The following ENOX1 variants were observed in gnomAD, a reference collection of about 807,000 sequenced individuals.
ENOX1 encodes the protein candidate growth-related and time keeping constitutive hydroquinone (NADH) oxidase.
In ENOX1, 42 loss-of-function variants were observed where a neutral mutation model predicts 82.5. That is an observed-to-expected ratio of 0.51 (90% CI 0.40 to 0.66). The LOEUF (loss-of-function observed/expected upper bound fraction) is 0.66. Among genes scored for constraint, ENOX1 ranks in the 30% least tolerant of loss-of-function variants. The pLI is 0.00. For missense variants in ENOX1, 608 were observed against 811.6 expected (o/e 0.75, Z 3.05); for synonymous variants, 271 against 282.2 (o/e 0.96, Z 0.40).
chr13:43,758,298 A>T (rs986264355), intron 1 of ENOX1, among the ~76,000 whole-genome samples: 3 of 152,240 alleles, frequency 2.0e-5, no homozygotes, highest in Non-Finnish European at 4.4e-5. Flanking sequence ...CCTCAGCAAT[A>T]AAATGGAACA....
intron 1 of ENOX1, among the ~76,000 whole-genome samples, chr13:43,682,988 G>A (rs969415342): frequency 6.6e-6 from 1 of 152,172 alleles, no homozygotes; most frequent in Admixed American, 6.5e-5. Context: ...TAATATAACA[G>A]AACAAAATCA....
intron 3 of ENOX1, among the ~76,000 whole-genome samples, chr13:43,480,757 G>C (rs1282851149): frequency 6.6e-6 from 1 of 152,046 alleles, no homozygotes; most frequent in Non-Finnish European, 1.5e-5. Context: ...AGATGAAACA[G>C]ATACATTTCT....
Position 43,224,113 on chromosome 13 carries a change from G to C in ENOX1, c.1740C>G (p.Val580=). 6.2e-7 allele frequency: 1 copy of C among 1,613,966 alleles called. No individual in the cohort carries two copies. The highest frequency in any genetic ancestry group is 8.5e-7 in the Non-Finnish European group (1 of 1,179,852). ...LIGIISTFLH[V]HPFGANIEYL... is the part of the protein sequence containing the mutation. ...ATTCTATGTTGGCTCCAAAAGGATG[G>C]ACGTGAAGAAACGTTGATATGATAC... The change falls in exon 16 of 17, where the codon GTC becomes GTG. Residue 580 remains valine, a synonymous_variant. Transcript: ENST00000690772.
At chr13:43,384,495 A>G (rs1458795473) in intron 5 of ENOX1, among the ~76,000 whole-genome samples, 8 of 152,224 alleles carry the variant, frequency 5.3e-5, no homozygotes, top group Admixed American at 5.2e-4. Flanking sequence ...GAATTAGATG[A>G]TATAACTTCC....
intron 9 of ENOX1, among the ~76,000 whole-genome samples, chr13:43,340,272 C>CA (rs1210426351): frequency 6.6e-6 from 1 of 152,224 alleles, no homozygotes; most frequent in African/African-American, 2.4e-5. Context: ...GGTTCTGCCT[C>CA]ACAGGCTTAA....
At chr13:43,494,806 T>C (rs1335422058) in intron 2 of ENOX1, among the ~76,000 whole-genome samples, 5 of 152,156 alleles carry the variant, frequency 3.3e-5, no homozygotes, top group African/African-American at 9.7e-5. Context: ...AAAAAGGCTA[T>C]TGCTATTTGA....
At chr13:43,630,991 C>T (rs892607549) in intron 2 of ENOX1, among the ~76,000 whole-genome samples, 4 of 151,976 alleles carry the variant, frequency 2.6e-5, no homozygotes, top group Non-Finnish European at 5.9e-5. Context: ...CCGTAAATAC[C>T]ACTTTGAACT....
chr13:43,629,401 T>G (rs184335012), intron 2 of ENOX1, among the ~76,000 whole-genome samples: 2 of 152,322 alleles, frequency 1.3e-5, no homozygotes, highest in East Asian at 3.9e-4. Flanking sequence ...GTCTTGGATA[T>G]GTAAGATAAG....
At chr13:43,486,611 T>C (rs1054550271) in intron 2 of ENOX1, among the ~76,000 whole-genome samples, 6 of 152,108 alleles carry the variant, frequency 3.9e-5, no homozygotes, top group Middle Eastern at 3.2e-3. Context: ...AACTGTCTTG[T>C]AAAGAGATAC....
At chr13:43,616,162 C>CTATATATATATAGA (rs1566641605) in intron 2 of ENOX1, among the ~76,000 whole-genome samples, 7 of 7,672 alleles carry the variant, frequency 9.1e-4, no homozygotes, top group Admixed American at 2.3e-3. Context: ...AGATAGATAT[C>CTATATATATATAGA]TATCTATCTA....
At chr13:43,483,647 T>C (rs1410582045) in intron 3 of ENOX1, among the ~76,000 whole-genome samples, 2 of 152,206 alleles carry the variant, frequency 1.3e-5, no homozygotes, top group Non-Finnish European at 2.9e-5. Flanking sequence ...ATATAATTTA[T>C]CCACAAGGTC....
chr13:43,654,083 G>A (rs555566417), intron 2 of ENOX1, among the ~76,000 whole-genome samples: 1 of 152,292 alleles, frequency 6.6e-6, no homozygotes, highest in African/African-American at 2.4e-5. Flanking sequence ...TAGTTTAGAT[G>A]TTACTGTAAA....
chr13:43,576,155 C>T (rs1430625621), intron 2 of ENOX1, among the ~76,000 whole-genome samples: 5 of 152,130 alleles, frequency 3.3e-5, no homozygotes, highest in African/African-American at 1.2e-4. Context: ...ATATCTAACC[C>T]CATCACTTGC....
chr13:43,513,823 C>A (rs1461806467), intron 2 of ENOX1, among the ~76,000 whole-genome samples: 1 of 151,914 alleles, frequency 6.6e-6, no homozygotes, highest in Non-Finnish European at 1.5e-5. Flanking sequence ...AAAGTTAACC[C>A]TTAGCTATTA....
chr13:43,492,380 T>C (rs577075364), intron 2 of ENOX1, among the ~76,000 whole-genome samples: 2 of 152,330 alleles, frequency 1.3e-5, no homozygotes, highest in South Asian at 4.1e-4. Flanking sequence ...GATTCCTGAC[T>C]GTTGTTTAAG....
In ENOX1 at chr13:43,351,444, A is replaced by G. The variant is rs780246836; in HGVS notation, c.823+4475T>C. Among the ~76,000 whole-genome samples the G allele has an allele frequency of 1.7e-3, 246 of 148,804 alleles. 1 individual carries two copies. The highest frequency in any genetic ancestry group is 2.4e-3 in the Non-Finnish European group (158 of 67,046). On this transcript the variant is annotated intron_variant, in intron 8 of 16. Transcript: ENST00000690772. Reference sequence around the variant, plus strand: ...TATTTATTTATTTATTTTTTATTATACTTTAAGTTTTAGGGTACATGTGCA... The same window carrying G: ...TATTTATTTATTTATTTTTTATTATGCTTTAAGTTTTAGGGTACATGTGCA...
rs558272633 is a variant in ENOX1 at position 43,348,956 on chromosome 13, CATAGTATAT to C, written c.824-4215_824-4207del. ...GTGAAGAAGTAAAAAGAAGCTTGTG[CATAGTATAT>C]ATAGTGTTCAGTACTATCCATGGTT... is the stretch of plus-strand genomic sequence containing the variant. On this transcript the variant is annotated intron_variant, in intron 8 of 16. Coordinates refer to ENST00000690772, the MANE Select transcript of ENOX1 (RefSeq NM_001347969.2). Among the ~76,000 whole-genome samples, 283 of 152,282 alleles carry C rather than the reference CATAGTATAT, an allele frequency of 1.9e-3. 1 individual carries two copies. Among genetic ancestry groups the C allele is most frequent in the African/African-American group, 6.4e-3 (266 of 41,548 alleles).
chr13:43,636,153 AAGTGGGCAG>A (rs2083406635), intron 2 of ENOX1, among the ~76,000 whole-genome samples: 1 of 152,144 alleles, frequency 6.6e-6, no homozygotes, highest in South Asian at 2.1e-4. Flanking sequence ...AAGAGACAAC[AAGTGGGCAG>A]AGCTGATGAT....
intron 2 of ENOX1, among the ~76,000 whole-genome samples, chr13:43,577,779 A>G (rs532041522): frequency 2.6e-5 from 4 of 152,164 alleles, no homozygotes; most frequent in Non-Finnish European, 5.9e-5. Context: ...GGAATATTGC[A>G]GACAGAAAGC....
Sources: allele counts gnomAD v4.1 joint callset (sites outside exome capture counted in the v4.1 genomes callset), GRCh38; gene constraint gnomAD v4.1.1; transcripts MANE v1.5; gene names NCBI Gene and HGNC (gene_info 2026-07-23, HGNC 2026-07-21).